The following ERGIC2 variants were observed in gnomAD, a reference collection of about 807,000 sequenced individuals.
The protein encoded by ERGIC2 is endoplasmic reticulum-Golgi intermediate compartment protein 2.
In ERGIC2, 31 loss-of-function variants were observed where a neutral mutation model predicts 52.5. The ratio of observed to expected loss-of-function variants is 0.59; its 90% CI spans 0.44 to 0.80. ERGIC2 has a LOEUF of 0.80. Among genes scored for constraint, ERGIC2 ranks in the 30% least tolerant of loss-of-function variants. ERGIC2 has a pLI of 0.00. For missense variants in ERGIC2, 395 were observed against 455.2 expected, an observed-to-expected ratio of 0.87 and a Z score of 1.20; for synonymous variants, 129 against 140.6, an observed-to-expected ratio of 0.92 and a Z score of 0.58.
chr12:29,365,128 T>A (rs976649077), intron 5 of ERGIC2, among the ~76,000 whole-genome samples: 4 of 151,966 alleles, frequency 2.6e-5, no homozygotes, highest in African/African-American at 7.2e-5. Flanking sequence ...GGAAAATAAA[T>A]CATTGTATGC....
rs759740056 is a variant in ERGIC2, at chr12:29,345,425, C to T, written c.825+18G>A. On this transcript the variant is annotated intron_variant, in intron 11 of 13. Coordinates refer to ENST00000360150, the MANE Select transcript of ERGIC2 (RefSeq NM_016570.3). ...TAAAAAAATCACCAAATTATTTTAC[C>T]GGTTGGATTCAACTTACCCTTTCTG... The T allele has an allele frequency of 1.4e-5, 18 of 1,304,532 alleles. No homozygotes were observed. The highest frequency in any genetic ancestry group is 5.1e-5 in the South Asian group (4 of 79,018). 80.8% of individuals were successfully genotyped at this position (1,304,532 alleles called of 1,614,324 possible).
At chr12:29,364,270 C>T (rs1232416179) in intron 5 of ERGIC2, among the ~76,000 whole-genome samples, 1 of 151,878 alleles carries the variant, frequency 6.6e-6, no homozygotes, top group African/African-American at 2.4e-5. Flanking sequence ...AAAGTCCCCC[C>T]TCAACAGAAT....
At position 29,349,956 on chromosome 12, in the gene ERGIC2, T is replaced by A. The variant is rs921079124; in HGVS notation, c.628+57A>T. On this transcript the variant is annotated intron_variant, in intron 9 of 13. Coordinates refer to ENST00000360150, the MANE Select transcript of ERGIC2 (RefSeq NM_016570.3). ...TTCAACTACACTATATCTGCACTTT[T>A]AAAAATAATATTTTTTCAAGTACAT... 3 of 1,123,584 alleles carry A rather than the reference T, an allele frequency of 2.7e-6. No individual in the cohort carries two copies. The African/African-American group carries it at 4.7e-5, about 18-fold the overall frequency. The allele number at this position is 1,123,584 out of a possible 1,614,324, so 69.6% of individuals were successfully genotyped here.
rs771696212 is a variant in ERGIC2 at position 29,356,494 on chromosome 12, T to C, written c.477-17A>G. The C allele has an allele frequency of 9.9e-6, 14 of 1,414,566 alleles. No individual in the cohort carries two copies. The highest frequency in any genetic ancestry group is 1.7e-5 in the Admixed American group (1 of 59,194). 87.6% of individuals were successfully genotyped at this position (1,414,566 alleles called of 1,614,324 possible). A position where few individuals can be genotyped will look rare whatever the true frequency, so the allele number is the denominator to read the frequency against. On this transcript the variant is annotated splice_polypyrimidine_tract_variant and intron_variant, in intron 7 of 13. Coordinates refer to ENST00000360150, the MANE Select transcript of ERGIC2 (RefSeq NM_016570.3). ...TCATCTTCTCTGTTAAAATAAGATA[T>C]ATTATTTAAAGCACATTCAATACAG...
At chr12:29,349,225 C>T (rs1359418531) in intron 9 of ERGIC2, 48 bp from the exon 10 acceptor site, 4 of 894,658 alleles carry the variant, frequency 4.5e-6, no homozygotes, top group African/African-American at 1.7e-5. Flanking sequence ...TTATATTATT[C>T]AAAATTACTT....
At position 29,344,399 on chromosome 12, in the gene ERGIC2, A is replaced by G. The variant is rs79570907; in HGVS notation, c.825+1044T>C. Among the ~76,000 whole-genome samples, 374 of 152,284 alleles carry G rather than the reference A, an allele frequency of 2.5e-3. 1 individual carries two copies. The highest frequency in any genetic ancestry group is 8.7e-3 in the African/African-American group (361 of 41,564). ...CACTGCATGTTTGCCTATTTTCCCC[A>G]AAGTCTTCTCAACTGTATGTATTGC... is the stretch of plus-strand genomic sequence containing the variant. On this transcript the variant is annotated intron_variant, in intron 11 of 13. Transcript: ENST00000360150.
In ERGIC2 at chr12:29,370,215, T is replaced by G. The variant is rs1174497926; in HGVS notation, c.114A>C (p.Leu38=). The G allele has an allele frequency of 1.9e-6, 3 of 1,542,200 alleles. No individual in the cohort carries two copies. Among genetic ancestry groups the G allele is most frequent in the African/African-American group, 2.9e-5 (2 of 69,734 alleles). The change falls in exon 3 of 14, where the codon CTA becomes CTC. Residue 38 remains leucine (L), a synonymous_variant. Transcript: ENST00000360150. ...ATAAAGCCATAGTTGTAAATGCTAT[T>G]AGAGAAACTGGGAAATCCAACAACA... ...ETSASGGTVS[L]IAFTTMALLT...
At chr12:29,374,055 C>T (rs1227001972) in intron 1 of ERGIC2, among the ~76,000 whole-genome samples, 1 of 152,028 alleles carries the variant, frequency 6.6e-6, no homozygotes, top group Non-Finnish European at 1.5e-5. Context: ...CAGAACTCTC[C>T]CTTAAACTCA....
intron 6 of ERGIC2, among the ~76,000 whole-genome samples, chr12:29,360,087 C>G (rs769733098): frequency 1.3e-5 from 2 of 151,982 alleles, no homozygotes; most frequent in Non-Finnish European, 2.9e-5. Context: ...TAAAAAAATT[C>G]TAGGCATTCC....
At chr12:29,348,864 A>G (rs1159320289) in intron 10 of ERGIC2, among the ~76,000 whole-genome samples, 13 of 151,890 alleles carry the variant, frequency 8.6e-5, no homozygotes. Flanking sequence ...TTCATCTTTT[A>G]ACTTGAATTT....
chr12:29,379,123 T>C (rs192000792), intron 1 of ERGIC2, among the ~76,000 whole-genome samples: 49 of 152,262 alleles, frequency 3.2e-4, no homozygotes, highest in Admixed American at 6.5e-4. Flanking sequence ...TAAAAGTGCC[T>C]AGTAGCAATG....
At chr12:29,356,498 A>G (rs376107477) in intron 7 of ERGIC2, 21 bp from the exon 8 acceptor site, 2 of 1,356,584 alleles carry the variant, frequency 1.5e-6, no homozygotes, top group Non-Finnish European at 2.1e-6. Context: ...AAGATATATT[A>G]TTTAAAGCAC....
intron 5 of ERGIC2, among the ~76,000 whole-genome samples, chr12:29,362,174 A>C (rs1244895206): frequency 6.6e-6 from 1 of 152,230 alleles, no homozygotes; most frequent in Non-Finnish European, 1.5e-5. Context: ...ACTACTTAAG[A>C]AATTTTATCT....
chr12:29,349,163 G>C lies in ERGIC2; in HGVS notation c.643C>G (p.His215Asp). ...CCAAAAGACAAATGATCTATTCTAT[G>C]AGAAAAATTGTAAGCTAAAAGGCAA... is the stretch of plus-strand genomic sequence containing the variant. ...LVNHESYNFSHRIDHLSFGEL... is the reference protein window; with the variant it reads ...LVNHESYNFSDRIDHLSFGEL... The change falls in exon 10 of 14, where the codon CAT becomes GAT. Residue 215 changes from histidine (H) to aspartate (D), a missense_variant. Transcript: ENST00000360150. The C allele has an allele frequency of 6.4e-7, 1 of 1,550,986 alleles. No homozygotes were observed. The highest frequency in any genetic ancestry group is 8.7e-7 in the Non-Finnish European group (1 of 1,150,158).
At chr12:29,344,501 T>TA (rs1940015016) in intron 11 of ERGIC2, among the ~76,000 whole-genome samples, 1 of 152,172 alleles carries the variant, frequency 6.6e-6, no homozygotes, top group Non-Finnish European at 1.5e-5. Flanking sequence ...AAGCACAATA[T>TA]GTTCTGGTAT....
At chr12:29,371,887 AT>A (rs1301918130) in intron 1 of ERGIC2, among the ~76,000 whole-genome samples, 2 of 152,228 alleles carry the variant, frequency 1.3e-5, no homozygotes, top group African/African-American at 4.8e-5. Flanking sequence ...AAAACACATT[AT>A]ATAGCAAGAA....
intron 1 of ERGIC2, chr12:29,372,651 A>T (rs970384812): frequency 1.3e-5 from 2 of 151,074 alleles, no homozygotes; most frequent in Admixed American, 6.6e-5. Flanking sequence ...AGCCATTGAA[A>T]ATCTTTTTTT....
chr12:29,340,917 C>T lies in ERGIC2; in HGVS notation c.*239G>A, dbSNP rs1162100643. On this transcript the variant is annotated 3_prime_UTR_variant, in exon 14 of 14. Transcript: ENST00000360150. ...TAAGAAGGCGTCATCTTCAAAGCAACACTCCAGTTGGGCTTCTTCATCGTT... is the reference window on the plus strand; with the variant it reads ...TAAGAAGGCGTCATCTTCAAAGCAATACTCCAGTTGGGCTTCTTCATCGTT... 1 of 534,390 alleles carries T rather than the reference C, an allele frequency of 1.9e-6. No homozygotes were observed. The highest frequency in any genetic ancestry group is 4.0e-5 in the East Asian group (1 of 25,282). The allele number at this position is 534,390 out of a possible 1,614,324, so 33.1% of individuals were successfully genotyped here.
chr12:29,356,630 T>C (rs951159167), intron 7 of ERGIC2, among the ~76,000 whole-genome samples, 153 bp from the exon 8 acceptor site: 1 of 152,196 alleles, frequency 6.6e-6, no homozygotes, highest in Non-Finnish European at 1.5e-5. Flanking sequence ...AGTCTAGACA[T>C]TTATAAAAAT....
Sources: allele counts gnomAD v4.1 joint callset (sites outside exome capture counted in the v4.1 genomes callset), GRCh38; gene constraint gnomAD v4.1.1; transcripts MANE v1.5; gene names NCBI Gene and HGNC (gene_info 2026-07-23, HGNC 2026-07-21).